The following CCDC171 variants were observed in gnomAD, a reference collection of about 807,000 sequenced individuals.
The protein encoded by CCDC171 is coiled-coil domain containing 171.
A neutral mutation model predicts 168.2 loss-of-function variants in CCDC171; 177 were observed. The observed-to-expected ratio is 1.05, with a 90% CI of 0.93 to 1.19. The LOEUF is 1.19. Ranked by LOEUF, CCDC171 falls within the 50% of genes most tolerant of loss-of-function variation. The pLI is 0.00. For missense variants in CCDC171, 1,991 were observed against 1,539.0 expected, an observed-to-expected ratio of 1.29 and a Z score of -4.91; for synonymous variants, 687 against 540.8, an observed-to-expected ratio of 1.27 and a Z score of -3.75.
chr9:15,864,923 G>C (rs951548068), intron 23 of CCDC171, among the ~76,000 whole-genome samples: 1 of 152,040 alleles, frequency 6.6e-6, no homozygotes, highest in African/African-American at 2.4e-5. Flanking sequence ...GAAAGCATGA[G>C]TCCTACAAGT....
At chr9:15,970,785 T>C (rs1328852397) in intron 25 of CCDC171, among the ~76,000 whole-genome samples, 3 of 152,172 alleles carry the variant, frequency 2.0e-5, no homozygotes, top group African/African-American at 7.2e-5. Context: ...TAAATACTTA[T>C]AATAGTCTTT....
chr9:15,608,520 C>A (rs376502386), intron 6 of CCDC171, among the ~76,000 whole-genome samples: 1 of 152,056 alleles, frequency 6.6e-6, no homozygotes. Flanking sequence ...AATTGTATCT[C>A]ATTCTTGCTT....
intron 7 of CCDC171, among the ~76,000 whole-genome samples, chr9:15,652,519 C>T (rs1447115067): frequency 2.6e-5 from 4 of 152,000 alleles, no homozygotes; most frequent in Non-Finnish European, 5.9e-5. Context: ...TAACCTCTGC[C>T]TCCCAGGCTC....
chr9:15,746,009 T>C (rs1044208553), intron 18 of CCDC171, among the ~76,000 whole-genome samples: 1 of 152,212 alleles, frequency 6.6e-6, no homozygotes, highest in African/African-American at 2.4e-5. Flanking sequence ...TGAGAGCCAG[T>C]AGAAAATTTT....
chr9:15,638,809 T>C (rs965293806), intron 7 of CCDC171, among the ~76,000 whole-genome samples: 2 of 152,008 alleles, frequency 1.3e-5, no homozygotes, highest in African/African-American at 4.8e-5. Context: ...AATGCAGTAC[T>C]GGATACCATA....
chr9:16,079,996 C>A, the CCDC171 span, among the ~76,000 whole-genome samples: 383 of 152,304 alleles, frequency 2.5e-3, 1 homozygote, highest in African/African-American at 8.9e-3. Context: ...CAGAAACCTT[C>A]CATGCTTGTG....
chr9:15,873,084 A>C (rs1817392774), intron 23 of CCDC171, among the ~76,000 whole-genome samples: 2 of 152,030 alleles, frequency 1.3e-5, no homozygotes, highest in Non-Finnish European at 2.9e-5. Flanking sequence ...TACAGCATAC[A>C]CTTTGACATT....
At chr9:15,767,826 T>TCCCC (rs1456088083) in intron 18 of CCDC171, among the ~76,000 whole-genome samples, 2 of 184 alleles carry the variant, frequency 0.011, no homozygotes, top group Non-Finnish European at 0.015. Context: ...TTCTTTTCTT[T>TCCCC]CCCTCCTTCC....
chr9:16,104,629 A>G, the CCDC171 span, among the ~76,000 whole-genome samples: 2 of 152,056 alleles, frequency 1.3e-5, no homozygotes, highest in African/African-American at 4.8e-5. Flanking sequence ...TCATCCATCA[A>G]TCATTCATCC....
chr9:15,974,699 G>T (rs1458723499), downstream of CCDC171, among the ~76,000 whole-genome samples: 1 of 152,126 alleles, frequency 6.6e-6, no homozygotes. Context: ...CCAGTTCAGT[G>T]ATAACTTAAT....
intron 1 of CCDC171, among the ~76,000 whole-genome samples, chr9:16,053,544 A>G (rs1242513711): frequency 1.3e-5 from 2 of 152,228 alleles, no homozygotes; most frequent in East Asian, 3.8e-4. Context: ...TGCATGGCAC[A>G]TAGGTGAAGA....
the CCDC171 span, among the ~76,000 whole-genome samples, chr9:16,079,462 G>A: frequency 3.3e-5 from 5 of 152,214 alleles, no homozygotes; most frequent in South Asian, 4.1e-4. Flanking sequence ...AGAGAACACC[G>A]TGTGAGGATG....
In CCDC171 at chr9:15,784,526, G is replaced by A; in HGVS notation, c.3099G>A (p.Glu1033=). The change falls in exon 21 of 26, where the codon GAG becomes GAA. Residue 1033 remains glutamate (E), a synonymous_variant. Transcript: ENST00000380701. ...EFKQSKLITH[E]KFESACEELN... ...TTTTACAGAAATTGATCACCCATGA[G>A]AAGTTTGAAAGTGCATGTGAAGAAC... 2.5e-6 allele frequency: 4 copies of A among 1,612,518 alleles called. No individual in the cohort carries two copies. Among genetic ancestry groups the A allele is most frequent in the Non-Finnish European group, 3.4e-6 (4 of 1,179,010 alleles).
At chr9:16,056,051 C>T (rs973729969) in intron 1 of CCDC171, among the ~76,000 whole-genome samples, 1 of 152,166 alleles carries the variant, frequency 6.6e-6, no homozygotes, top group African/African-American at 2.4e-5. Context: ...CAGACTATAA[C>T]ATTGCATATT....
chr9:15,755,206 G>T (rs1237481042), intron 18 of CCDC171, among the ~76,000 whole-genome samples: 1 of 152,070 alleles, frequency 6.6e-6, no homozygotes, highest in Non-Finnish European at 1.5e-5. Context: ...TGTCCTTAAC[G>T]TGTTCATGTT....
chr9:15,912,455 C>T (rs1823816929), intron 24 of CCDC171, among the ~76,000 whole-genome samples: 2 of 152,094 alleles, frequency 1.3e-5, no homozygotes, highest in African/African-American at 2.4e-5. Context: ...GGGACTGAGA[C>T]GATGGGGTTT....
chr9:15,602,898 T>C (rs1048306707), intron 6 of CCDC171, among the ~76,000 whole-genome samples: 6 of 152,184 alleles, frequency 3.9e-5, no homozygotes, highest in African/African-American at 1.4e-4. Context: ...CCTCAGGCGA[T>C]CTGCCTGCCT....
intron 24 of CCDC171, among the ~76,000 whole-genome samples, chr9:15,917,967 C>A (rs755182718): frequency 3.3e-5 from 5 of 151,542 alleles, no homozygotes; most frequent in Non-Finnish European, 7.4e-5. Flanking sequence ...AAAAATAGAA[C>A]AATAGTAATA....
At chr9:16,048,669 C>T (rs927805936) in intron 1 of CCDC171, among the ~76,000 whole-genome samples, 2 of 151,610 alleles carry the variant, frequency 1.3e-5, no homozygotes, top group African/African-American at 4.9e-5. Context: ...TTTTCTTTTT[C>T]TTTTTTTTGA....
Sources: allele counts gnomAD v4.1 joint callset (sites outside exome capture counted in the v4.1 genomes callset), GRCh38; gene constraint gnomAD v4.1.1; transcripts MANE v1.5; gene names NCBI Gene and HGNC (gene_info 2026-07-23, HGNC 2026-07-21).